BMAL1: variants seen among roughly 807,000 people sequenced by gnomAD.
BMAL1 encodes the protein basic helix-loop-helix ARNT-like protein 1.
the BMAL1 span, among the ~76,000 whole-genome samples, chr11:13,371,624 C>A: frequency 1.3e-5 from 2 of 152,206 alleles, no homozygotes; most frequent in Non-Finnish European, 2.9e-5. Context: ...CCTGTAGATG[C>A]TCTCCATTTC....
At chr11:13,358,035 T>A in the BMAL1 span, among the ~76,000 whole-genome samples, 2 of 152,296 alleles carry the variant, frequency 1.3e-5, no homozygotes, top group African/African-American at 4.8e-5. Context: ...CTCACAGACC[T>A]CAGGGACAGC....
the BMAL1 span, among the ~76,000 whole-genome samples, chr11:13,355,800 C>A: frequency 6.6e-6 from 1 of 152,084 alleles, no homozygotes; most frequent in African/African-American, 2.4e-5. Context: ...CCCAGGGCGT[C>A]TAATTGGGAA....
At chr11:13,373,352 G>A in the BMAL1 span, among the ~76,000 whole-genome samples, 1 of 152,192 alleles carries the variant, frequency 6.6e-6, no homozygotes, top group Admixed American at 6.5e-5. Flanking sequence ...ACTAGAGACA[G>A]CCACAACATG....
chr11:13,361,435 C>T, the BMAL1 span, among the ~76,000 whole-genome samples: 1 of 152,194 alleles, frequency 6.6e-6, no homozygotes, highest in South Asian at 2.1e-4. Flanking sequence ...CCCACAAAGT[C>T]AGGGCTGACC....
chr11:13,359,668 C>T, the BMAL1 span, among the ~76,000 whole-genome samples: 4 of 152,254 alleles, frequency 2.6e-5, no homozygotes, highest in Admixed American at 1.3e-4. Context: ...CTATTCTACT[C>T]GCTATTCTAC....
chr11:13,284,267 T>TATATATATATATATATATA, the BMAL1 span, among the ~76,000 whole-genome samples: 1 of 11,778 alleles, frequency 8.5e-5, no homozygotes, highest in Middle Eastern at 0.036. Context: ...TATATATATA[T>TATATATATATATATATATA]TTTTTTTTTT....
the BMAL1 span, among the ~76,000 whole-genome samples, chr11:13,297,137 T>TC: frequency 6.6e-6 from 1 of 152,200 alleles, no homozygotes. Flanking sequence ...ATGTAAGTGG[T>TC]CCCTTAGTTC....
the BMAL1 span, chr11:13,360,492 T>C: frequency 2.1e-6 from 3 of 1,459,468 alleles, no homozygotes; most frequent in South Asian, 2.4e-5. Flanking sequence ...TACCAGCATG[T>C]GGGAATTTGA....
the BMAL1 span, among the ~76,000 whole-genome samples, chr11:13,370,914 C>A: frequency 6.6e-6 from 1 of 152,226 alleles, no homozygotes; most frequent in East Asian, 1.9e-4. Context: ...TGCTTCTGCA[C>A]ATGCTGTCGC....
At chr11:13,356,876 C>T in the BMAL1 span, 1 of 1,602,482 alleles carries the variant, frequency 6.2e-7, no homozygotes, top group African/African-American at 1.3e-5. Flanking sequence ...ATGTCCTCAA[C>T]TGGAGATGAG....
chr11:13,298,872 G>A, the BMAL1 span, among the ~76,000 whole-genome samples: 1 of 152,174 alleles, frequency 6.6e-6, no homozygotes, highest in East Asian at 1.9e-4. Flanking sequence ...TTCTCTGTCT[G>A]CTCGGCATTT....
At chr11:13,354,335 T>A in the BMAL1 span, 11 of 1,612,696 alleles carry the variant, frequency 6.8e-6, no homozygotes, top group Non-Finnish European at 9.3e-6. Context: ...TGGACATTTC[T>A]TCAACCATCA....
the BMAL1 span, chr11:13,386,742 C>A: frequency 6.2e-7 from 1 of 1,613,988 alleles, no homozygotes; most frequent in Non-Finnish European, 8.5e-7. Context: ...TAGTGACTTG[C>A]CATGGCCGCT....
the BMAL1 span, among the ~76,000 whole-genome samples, chr11:13,378,045 G>C: frequency 6.6e-6 from 1 of 152,172 alleles, no homozygotes; most frequent in Non-Finnish European, 1.5e-5. Context: ...ACTTGTCTCT[G>C]TAACCCTGGC....
At chr11:13,338,074 C>G in the BMAL1 span, among the ~76,000 whole-genome samples, 1 of 152,128 alleles carries the variant, frequency 6.6e-6, no homozygotes, top group Non-Finnish European at 1.5e-5. Flanking sequence ...TGAGTATTTT[C>G]TCAGAAAAAT....
At chr11:13,375,301 G>A in the BMAL1 span, among the ~76,000 whole-genome samples, 1 of 152,340 alleles carries the variant, frequency 6.6e-6, no homozygotes, top group East Asian at 1.9e-4. Context: ...TTTGGACAGT[G>A]CCTTCTCATT....
At chr11:13,302,651 T>G in the BMAL1 span, among the ~76,000 whole-genome samples, 1 of 152,218 alleles carries the variant, frequency 6.6e-6, no homozygotes, top group Non-Finnish European at 1.5e-5. Flanking sequence ...GAGGCCTCTC[T>G]CTTTTCTTGA....
At chr11:13,308,115 G>T in the BMAL1 span, among the ~76,000 whole-genome samples, 1 of 152,170 alleles carries the variant, frequency 6.6e-6, no homozygotes, top group Non-Finnish European at 1.5e-5. Flanking sequence ...CATTTTGAAG[G>T]TAAGAACCAG....
the BMAL1 span, chr11:13,375,530 C>A: frequency 4.1e-6 from 5 of 1,228,256 alleles, no homozygotes; most frequent in Non-Finnish European, 5.5e-6. Flanking sequence ...GCTCAAGTAC[C>A]TTTAATATTT....
Sources: gnomAD v4.1 joint callset for allele counts (sites outside exome capture counted in the v4.1 genomes callset) on GRCh38, gnomAD v4.1.1 for gene constraint, MANE v1.5 for transcripts, NCBI Gene and HGNC (gene_info 2026-07-23, HGNC 2026-07-21) for gene names.